The following MAK variants were observed in gnomAD, a reference collection of about 807,000 sequenced individuals.
The protein encoded by MAK is male germ cell associated kinase.
MAK carries 65 observed loss-of-function variants against 82.6 expected under a neutral mutation model. That is an observed-to-expected ratio of 0.79 (90% CI 0.64 to 0.97). The LOEUF (loss-of-function observed/expected upper bound fraction) is 0.97, where lower values mean the gene tolerates loss of function less well. Ranked by LOEUF, MAK falls within the 50% of genes least tolerant of loss-of-function variation. The pLI is 0.00. For missense variants in MAK, 703 were observed against 780.2 expected, an observed-to-expected ratio of 0.90 and a Z score of 1.18; for synonymous variants, 250 against 274.2, an observed-to-expected ratio of 0.91 and a Z score of 0.87.
intron 12 of MAK, among the ~76,000 whole-genome samples, chr6:10,774,268 T>C (rs1423826497): frequency 6.6e-6 from 1 of 152,028 alleles, no homozygotes. Flanking sequence ...ATTACAATGA[T>C]TCATTGTATA....
chr6:10,781,406 CA>C (rs1483062108), intron 11 of MAK, among the ~76,000 whole-genome samples: 1 of 150,604 alleles, frequency 6.6e-6, no homozygotes, highest in Non-Finnish European at 1.5e-5. Flanking sequence ...ATACAGACTT[CA>C]AGGTCAAAAG....
intron 11 of MAK, among the ~76,000 whole-genome samples, chr6:10,782,202 TCACACACACACACACACACACA>T (rs746386493): frequency 4.1e-5 from 6 of 146,150 alleles, no homozygotes; most frequent in South Asian, 2.2e-4. Context: ...TGAAACTCTG[TCACACACACACACACACACACA>T]CACACACACA....
At chr6:10,817,743 T>C in intron 4 of MAK, 107 bp downstream of exon 4, 2 of 956,122 alleles carry the variant, frequency 2.1e-6, no homozygotes, top group Non-Finnish European at 1.5e-6. Context: ...TTAATTTAAA[T>C]TTACCTTTTG....
rs2127558556 is a variant in MAK, at chr6:10,803,869, G to A, written c.514C>T (p.Leu172=). Residue 172 remains leucine (L), a synonymous_variant, in exon 7 of 15, where the codon CTG becomes TTG. Transcript: ENST00000354489. ...GGAGAACTATAAACTGAAGATCTCAGTAAAACTTCAGGGGCACGATACCTA... is the reference window on the plus strand; with the variant it reads ...GGAGAACTATAAACTGAAGATCTCAATAAAACTTCAGGGGCACGATACCTA... ...TRWYRAPEVL[L]RSSVYSSPID... is the part of the protein sequence containing the mutation. The A allele has an allele frequency of 2.5e-6, 4 of 1,614,058 alleles. No homozygotes were observed. Among genetic ancestry groups the A allele is most frequent in the East Asian group, 2.2e-5 (1 of 44,862 alleles).
intron 1 of MAK, among the ~76,000 whole-genome samples, chr6:10,836,102 G>C (rs1346515573): frequency 6.6e-6 from 1 of 152,344 alleles, no homozygotes; most frequent in African/African-American, 2.4e-5. Flanking sequence ...ACGGATGATG[G>C]CTATAGGATA....
chr6:10,810,014 C>T (rs762359261), intron 5 of MAK, among the ~76,000 whole-genome samples: 5 of 150,156 alleles, frequency 3.3e-5, no homozygotes, highest in Non-Finnish European at 5.9e-5. Flanking sequence ...AGAAGAATCA[C>T]TTGAACCTGG....
Position 10,775,322 on chromosome 6 carries a change from C to A in MAK, c.1597+6G>T, listed in dbSNP as rs764077560. The A allele has an allele frequency of 6.2e-7, 1 of 1,612,266 alleles. No homozygotes were observed. Among genetic ancestry groups the A allele is most frequent in the Non-Finnish European group, 8.5e-7 (1 of 1,178,898 alleles). On this transcript the variant is annotated splice_donor_region_variant and intron_variant, in intron 12 of 14. Coordinates refer to ENST00000354489, the MANE Select transcript of MAK (RefSeq NM_001242957.3). Reference sequence around the variant, plus strand: ...CGTACATGTACATTTTGTATTCTTGCGTTACCTGCATTGCTCCTTTTGAAA... The same window carrying A: ...CGTACATGTACATTTTGTATTCTTGAGTTACCTGCATTGCTCCTTTTGAAA...
intron 4 of MAK, among the ~76,000 whole-genome samples, chr6:10,815,322 T>G (rs1190892831): frequency 6.6e-6 from 1 of 152,006 alleles, no homozygotes; most frequent in Non-Finnish European, 1.5e-5. Flanking sequence ...TAATTTTTAT[T>G]TTTTGAAAAA....
chr6:10,769,320 A>G (rs1267057574), intron 14 of MAK, among the ~76,000 whole-genome samples: 1 of 152,224 alleles, frequency 6.6e-6, no homozygotes, highest in African/African-American at 2.4e-5. Flanking sequence ...AAGAATATCT[A>G]TTTCAGATTC....
intron 8 of MAK, among the ~76,000 whole-genome samples, chr6:10,798,873 A>C (rs191864777): frequency 0.017 from 2,638 of 151,898 alleles, 45 homozygotes; most frequent in South Asian, 0.053. Flanking sequence ...TCTGTCACCC[A>C]GGCTGGAGTG....
intron 5 of MAK, among the ~76,000 whole-genome samples, chr6:10,809,528 C>A (rs1299756887): frequency 6.6e-6 from 1 of 152,124 alleles, no homozygotes; most frequent in Non-Finnish European, 1.5e-5. Context: ...GGTTTTGCCA[C>A]GTCACCCAGG....
At chr6:10,814,362 T>C (rs997969519) in intron 4 of MAK, among the ~76,000 whole-genome samples, 1 of 152,168 alleles carries the variant, frequency 6.6e-6, no homozygotes, top group Non-Finnish European at 1.5e-5. Context: ...ATCTGTATTA[T>C]GCAGGCTTGA....
chr6:10,783,791 C>A (rs191200113), intron 11 of MAK, among the ~76,000 whole-genome samples: 2 of 152,278 alleles, frequency 1.3e-5, no homozygotes, highest in South Asian at 2.1e-4. Context: ...GAGGCCAAGG[C>A]GGGCGGATCA....
intron 11 of MAK, among the ~76,000 whole-genome samples, chr6:10,781,709 C>CCA (rs1216052213): frequency 6.6e-6 from 1 of 152,130 alleles, no homozygotes; most frequent in Non-Finnish European, 1.5e-5. Flanking sequence ...CAGGCATGAG[C>CCA]CACTGCACCT....
intron 9 of MAK, among the ~76,000 whole-genome samples, chr6:10,794,084 G>A (rs896805807): frequency 6.6e-6 from 1 of 152,204 alleles, no homozygotes; most frequent in Non-Finnish European, 1.5e-5. Context: ...GAAAAGGGCA[G>A]ATAATATAAG....
At chr6:10,772,331 T>G (rs1773088121) in intron 13 of MAK, among the ~76,000 whole-genome samples, 1 of 136,610 alleles carries the variant, frequency 7.3e-6, no homozygotes, top group Non-Finnish European at 1.6e-5. Flanking sequence ...CCAGTTAACC[T>G]TTTTTTTTTT....
chr6:10,783,996 G>GC (rs1044354088), intron 11 of MAK, among the ~76,000 whole-genome samples: 2 of 152,066 alleles, frequency 1.3e-5, no homozygotes, highest in Non-Finnish European at 2.9e-5. Context: ...TCCAGCCTGG[G>GC]CGACAGAGCG....
At chr6:10,769,970 C>T (rs930215063) in intron 14 of MAK, 141 bp downstream of exon 14, 54 of 1,489,008 alleles carry the variant, frequency 3.6e-5, no homozygotes, top group Middle Eastern at 1.8e-4. Context: ...TAGGACATTT[C>T]GGTAAAAACA....
chr6:10,819,936 C>G (rs1777795263), intron 2 of MAK, among the ~76,000 whole-genome samples: 1 of 151,724 alleles, frequency 6.6e-6, no homozygotes, highest in South Asian at 2.1e-4. Flanking sequence ...CACAGTGAAA[C>G]CTCATCTCTA....
Sources: allele counts gnomAD v4.1 joint callset (sites outside exome capture counted in the v4.1 genomes callset), GRCh38; gene constraint gnomAD v4.1.1; transcripts MANE v1.5; gene names NCBI Gene and HGNC (gene_info 2026-07-23, HGNC 2026-07-21).